ACER3: variants seen among roughly 807,000 people sequenced by gnomAD.
ACER3 encodes alkCDase 3.
Under a neutral mutation model 48.9 loss-of-function variants are expected in ACER3, and 16 were observed. That is an observed-to-expected ratio of 0.33 (90% confidence interval 0.22 to 0.50). The LOEUF is 0.50. Ranked by LOEUF, ACER3 falls within the 20% of genes least tolerant of loss-of-function variation. ACER3 has a pLI of 0.98. For synonymous variants in ACER3, 109 were observed against 107.8 expected, an observed-to-expected ratio of 1.01 and a Z score of -0.07; for missense variants, 227 against 326.0, an observed-to-expected ratio of 0.70 and a Z score of 2.34.
chr11:76,951,984 A>G, intron 2 of ACER3, among the ~76,000 whole-genome samples: 1 of 152,222 alleles, frequency 6.6e-6, no homozygotes, highest in East Asian at 1.9e-4. Context: ...GATGCTTTGT[A>G]TAGTAGACTT....
chr11:76,913,156 T>A (rs1027577829), intron 1 of ACER3, among the ~76,000 whole-genome samples: 1 of 152,116 alleles, frequency 6.6e-6, no homozygotes, highest in South Asian at 2.1e-4. Flanking sequence ...TCACTCATGA[T>A]TTGGCTCTCT....
intron 3 of ACER3, among the ~76,000 whole-genome samples, chr11:76,971,903 T>G (rs549370057): frequency 5.9e-5 from 9 of 152,044 alleles, no homozygotes; most frequent in Admixed American, 5.9e-4. Flanking sequence ...TAGATCCAGA[T>G]GAAGGGGTGG....
intron 1 of ACER3, among the ~76,000 whole-genome samples, chr11:76,877,840 T>C (rs1945425054): frequency 6.6e-6 from 1 of 152,158 alleles, no homozygotes; most frequent in Non-Finnish European, 1.5e-5. Flanking sequence ...TTTACCACTT[T>C]GCATTCCTAA....
chr11:76,905,853 C>CA (rs1312237003), intron 1 of ACER3, among the ~76,000 whole-genome samples: 3 of 152,086 alleles, frequency 2.0e-5, no homozygotes, highest in African/African-American at 7.2e-5. Context: ...AACAAGAAAA[C>CA]AAAGCAAAAC....
At chr11:76,992,795 C>G (rs1948829657) in intron 6 of ACER3, among the ~76,000 whole-genome samples, 1 of 152,160 alleles carries the variant, frequency 6.6e-6, no homozygotes, top group African/African-American at 2.4e-5. Context: ...TCTGTCTCCT[C>G]CACTTACTAA....
At chr11:77,003,327 G>C (rs1271043766) in intron 7 of ACER3, among the ~76,000 whole-genome samples, 10 of 152,074 alleles carry the variant, frequency 6.6e-5, no homozygotes, top group Admixed American at 6.6e-4. Flanking sequence ...TTTCATCTAA[G>C]TCATCAAAAT....
chr11:76,952,139 T>TACACAC (rs71272233), intron 2 of ACER3, among the ~76,000 whole-genome samples: 6 of 72,656 alleles, frequency 8.3e-5, no homozygotes, highest in African/African-American at 2.0e-4. Context: ...TATATATATA[T>TACACAC]ACACACACAC....
chr11:76,959,575 A>T (rs10899333), intron 3 of ACER3, among the ~76,000 whole-genome samples: 1 of 151,510 alleles, frequency 6.6e-6, no homozygotes, highest in South Asian at 2.1e-4. Context: ...TTTTTGAGTC[A>T]AAGTTTTGCT....
chr11:76,996,094 A>C (rs770539142), intron 6 of ACER3, among the ~76,000 whole-genome samples: 7 of 152,046 alleles, frequency 4.6e-5, no homozygotes, highest in Non-Finnish European at 7.4e-5. Context: ...TTTGCCATGC[A>C]CCTAACTGTC....
In ACER3 at chr11:77,024,168, A is replaced by G. The variant is rs1457389949; in HGVS notation, c.*3841A>G. 2 of 149,024 alleles carry G rather than the reference A, an allele frequency of 1.3e-5. No homozygotes were observed. The highest frequency in any genetic ancestry group is 3.0e-5 in the Non-Finnish European group (2 of 67,110). The allele number at this position is 149,024 out of a possible 1,614,324, so 9.2% of individuals were successfully genotyped here. On this transcript the variant is annotated 3_prime_UTR_variant, in exon 11 of 11. Transcript: ENST00000532485. The stretch of plus-strand genomic sequence containing the variant: ...GGAGCTGCAAAATGAAAAAAAAAAA[A>G]AAAAGGAATCATGTCATCTTGACCC...
At chr11:76,990,601 T>C in intron 6 of ACER3, 27 bp downstream of exon 6, 1 of 1,363,184 alleles carries the variant, frequency 7.3e-7, no homozygotes, top group Non-Finnish European at 1.0e-6. Flanking sequence ...TATTACACAT[T>C]AGATTGTTTA....
At chr11:76,966,546 C>T (rs1405915232) in intron 3 of ACER3, among the ~76,000 whole-genome samples, 1 of 151,052 alleles carries the variant, frequency 6.6e-6, no homozygotes, top group East Asian at 1.9e-4. Context: ...CAAAATTGAC[C>T]ACATAGTTGG....
chr11:76,906,782 A>G (rs1227119250), intron 1 of ACER3, among the ~76,000 whole-genome samples: 4 of 152,016 alleles, frequency 2.6e-5, no homozygotes, highest in Admixed American at 2.0e-4. Flanking sequence ...GCTCATCTTG[A>G]ACTCCTGAGC....
intron 7 of ACER3, among the ~76,000 whole-genome samples, chr11:77,009,276 G>A (rs1171619132): frequency 6.6e-6 from 1 of 152,166 alleles, no homozygotes; most frequent in Non-Finnish European, 1.5e-5. Context: ...CACGCCACAT[G>A]GCAAAAGCAG....
intron 1 of ACER3, among the ~76,000 whole-genome samples, chr11:76,880,794 G>A (rs372233587): frequency 2.0e-4 from 30 of 152,312 alleles, no homozygotes; most frequent in African/African-American, 6.7e-4. Flanking sequence ...AGCAAGGACT[G>A]TGGGAGTTAT....
At chr11:76,991,929 G>C (rs1948813067) in intron 6 of ACER3, among the ~76,000 whole-genome samples, 1 of 151,892 alleles carries the variant, frequency 6.6e-6, no homozygotes, top group African/African-American at 2.4e-5. Context: ...TTTATTAACA[G>C]TATAAAAAAC....
At chr11:76,869,458 CTATT>C (rs1477741570) in intron 1 of ACER3, among the ~76,000 whole-genome samples, 2 of 152,178 alleles carry the variant, frequency 1.3e-5, no homozygotes, top group Non-Finnish European at 2.9e-5. Context: ...GCCATACCAG[CTATT>C]TATTTATTTT....
chr11:76,927,701 C>T (rs1195382755), intron 2 of ACER3, among the ~76,000 whole-genome samples: 14 of 151,700 alleles, frequency 9.2e-5, no homozygotes, highest in Admixed American at 5.9e-4. Context: ...TGAGTGAGAA[C>T]ATGCGGTGTT....
At chr11:76,959,187 A>G in intron 3 of ACER3, 156 bp downstream of exon 3, 1 of 1,518,324 alleles carries the variant, frequency 6.6e-7, no homozygotes. Flanking sequence ...TAAGTGAAGT[A>G]AAGAAATAAG....
Sources: gnomAD v4.1 joint callset for allele counts (sites outside exome capture counted in the v4.1 genomes callset) on GRCh38, gnomAD v4.1.1 for gene constraint, MANE v1.5 for transcripts, NCBI Gene and HGNC (gene_info 2026-07-23, HGNC 2026-07-21) for gene names.